The following DR1 variants were observed in gnomAD, a reference collection of about 807,000 sequenced individuals.
DR1 encodes protein Dr1.
In DR1, 7 loss-of-function variants were observed where a neutral mutation model predicts 19.9. The observed-to-expected ratio is 0.35, with a 90% CI of 0.20 to 0.66. DR1 has a LOEUF of 0.66. Among genes scored for constraint, DR1 ranks in the 30% least tolerant of loss-of-function variants. The pLI, the probability that DR1 is intolerant of heterozygous loss-of-function variation, is 0.66. For synonymous variants in DR1, 76 were observed against 72.5 expected (o/e 1.05, Z -0.24); for missense variants, 98 against 203.7 (o/e 0.48, Z 3.16).
In DR1 at chr1:93,345,995, G is replaced by C. The variant is rs1233652079; in HGVS notation, c.-651G>C. 6.5e-6 allele frequency: 1 copy of C among 155,016 alleles called. No individual in the cohort carries two copies. The highest frequency in any genetic ancestry group is 1.4e-5 in the Non-Finnish European group (1 of 69,388). The allele number at this position is 155,016 out of a possible 1,614,324, so 9.6% of individuals were successfully genotyped here. A position where few individuals can be genotyped will look rare whatever the true frequency, so the allele number is the denominator to read the frequency against. On this transcript the variant is annotated 5_prime_UTR_variant, in exon 1 of 3. Transcript: ENST00000370272. ...CGCGTCTTCGGCTTCCACGATCTGC[G>C]TTCGGGCTACGCGGCCACGGCGGCA...
In DR1 at chr1:93,360,735, T is replaced by A; in HGVS notation, c.*96T>A. On this transcript the variant is annotated 3_prime_UTR_variant, in exon 3 of 3. Coordinates refer to ENST00000370272, the MANE Select transcript of DR1 (RefSeq NM_001938.3). ...GCTTATCTGTAATTTTGTATGCATC[T>A]TGGTGGACTTGTCATTGGTATTCTA... 1 of 1,353,654 alleles carries A rather than the reference T, an allele frequency of 7.4e-7. No individual in the cohort carries two copies. The highest frequency in any genetic ancestry group is 1.0e-6 in the Non-Finnish European group (1 of 996,456). The allele number at this position is 1,353,654 out of a possible 1,614,324, so 83.9% of individuals were successfully genotyped here.
Position 93,360,737 on chromosome 1 carries a change from G to T in DR1, c.*98G>T. The T allele has an allele frequency of 7.4e-7, 1 of 1,349,292 alleles. No individual in the cohort carries two copies. Among genetic ancestry groups the T allele is most frequent in the African/African-American group, 1.5e-5 (1 of 66,246 alleles). 83.6% of individuals were successfully genotyped at this position (1,349,292 alleles called of 1,614,324 possible). A position where few individuals can be genotyped will look rare whatever the true frequency, so the allele number is the denominator to read the frequency against. Reference sequence around the variant, plus strand: ...TTATCTGTAATTTTGTATGCATCTTGGTGGACTTGTCATTGGTATTCTAGG... The same window carrying T: ...TTATCTGTAATTTTGTATGCATCTTTGTGGACTTGTCATTGGTATTCTAGG... On this transcript the variant is annotated 3_prime_UTR_variant, in exon 3 of 3. Transcript: ENST00000370272.
rs1666841960 is a variant in DR1 at position 93,346,530 on chromosome 1, G to C, written c.-116G>C. 1.3e-6 allele frequency: 1 copy of C among 781,156 alleles called. No individual in the cohort carries two copies. Among genetic ancestry groups the C allele is most frequent in the Non-Finnish European group, 2.1e-6 (1 of 482,148 alleles). The allele number at this position is 781,156 out of a possible 1,614,324, so 48.4% of individuals were successfully genotyped here. On this transcript the variant is annotated 5_prime_UTR_variant, in exon 1 of 3. Transcript: ENST00000370272. ...TCCGTTCATTTTCTGCACCCTCTTCGCAAAGCACCCCCCGGGATCACTCTC... is the reference window on the plus strand; with the variant it reads ...TCCGTTCATTTTCTGCACCCTCTTCCCAAAGCACCCCCCGGGATCACTCTC...
In DR1 at chr1:93,365,909, C is replaced by A. The variant is rs1287014828; in HGVS notation, c.*5270C>A. On this transcript the variant is annotated 3_prime_UTR_variant, in exon 3 of 3. Coordinates refer to ENST00000370272, the MANE Select transcript of DR1 (RefSeq NM_001938.3). The stretch of plus-strand genomic sequence containing the variant: ...CATAACTAGTACATCTTTTAATAAG[C>A]ATTTTTTATTGTGATTAAATATGCA... 6.6e-6 allele frequency: 1 copy of A among 152,172 alleles called. No individual in the cohort carries two copies. The highest frequency in any genetic ancestry group is 1.5e-5 in the Non-Finnish European group (1 of 68,028). The allele number at this position is 152,172 out of a possible 1,614,324, so 9.4% of individuals were successfully genotyped here. A position where few individuals can be genotyped will look rare whatever the true frequency, so the allele number is the denominator to read the frequency against.
At chr1:93,352,376 G>T (rs1198136878) in intron 1 of DR1, among the ~76,000 whole-genome samples, 1 of 152,156 alleles carries the variant, frequency 6.6e-6, no homozygotes, top group Non-Finnish European at 1.5e-5. Context: ...GGCCATGTTG[G>T]TGAATTTGAT....
intron 2 of DR1, chr1:93,354,919 G>A (rs1427920187): frequency 6.6e-6 from 1 of 152,026 alleles, no homozygotes; most frequent in African/African-American, 2.4e-5. Context: ...TTCTAACCAC[G>A]TGTTAATCAC....
chr1:93,360,830 A>G lies in DR1; in HGVS notation c.*191A>G. 8.4e-6 allele frequency: 5 copies of G among 598,788 alleles called. No homozygotes were observed. Among genetic ancestry groups the G allele is most frequent in the Non-Finnish European group, 1.4e-5 (5 of 370,350 alleles). 37.1% of individuals were successfully genotyped at this position (598,788 alleles called of 1,614,324 possible). A position where few individuals can be genotyped will look rare whatever the true frequency, so the allele number is the denominator to read the frequency against. ...AAAAACTGTCTCTTTGAACTATTGA[A>G]AATTTAAGGTTCAGTATAATATCAA... On this transcript the variant is annotated 3_prime_UTR_variant, in exon 3 of 3. Transcript: ENST00000370272.
Position 93,362,826 on chromosome 1 carries a change from C to CTTTTTTTTTTTTTTTTTTTTT in DR1, c.*2195_*2215dup, listed in dbSNP as rs55792701. ...GCAATATTTTATTTTTAGGTTTTTT[C>CTTTTTTTTTTTTTTTTTTTTT]TTTTTTTTTTTTTTTTTTTTTTTTT... On this transcript the variant is annotated 3_prime_UTR_variant, in exon 3 of 3. Coordinates refer to ENST00000370272, the MANE Select transcript of DR1 (RefSeq NM_001938.3). 3 of 52,848 alleles carry CTTTTTTTTTTTTTTTTTTTTT rather than the reference C, an allele frequency of 5.7e-5. No individual in the cohort carries two copies. Among genetic ancestry groups the CTTTTTTTTTTTTTTTTTTTTT allele is most frequent in the Non-Finnish European group, 7.3e-5 (2 of 27,564 alleles). 3.3% of individuals were successfully genotyped at this position (52,848 alleles called of 1,614,324 possible).
intron 1 of DR1, among the ~76,000 whole-genome samples, chr1:93,347,800 G>T (rs1429298097): frequency 2.0e-5 from 3 of 152,026 alleles, no homozygotes; most frequent in Admixed American, 2.0e-4. Context: ...TTTCGGGAAC[G>T]TACCTTTTGC....
At chr1:93,351,904 A>C (rs1666916811) in intron 1 of DR1, among the ~76,000 whole-genome samples, 1 of 152,204 alleles carries the variant, frequency 6.6e-6, no homozygotes, top group Admixed American at 6.5e-5. Context: ...GGTCCTGTAC[A>C]CTTATGAGGG....
rs531960395 is a variant in DR1, at chr1:93,368,963, A to T, written c.*8324A>T. The T allele has an allele frequency of 1.4e-3, 210 of 152,268 alleles. No individual in the cohort carries two copies. The highest frequency in any genetic ancestry group is 5.0e-3 in the African/African-American group (207 of 41,556). 9.4% of individuals were successfully genotyped at this position (152,268 alleles called of 1,614,324 possible). On this transcript the variant is annotated 3_prime_UTR_variant, in exon 3 of 3. Transcript: ENST00000370272. ...CTGATGGATTGAAAACATTTGGGGA[A>T]AAAACAAAAAATAACCCAACAATGA...
rs1296688454 is a variant in DR1, at chr1:93,360,774, T to C, written c.*135T>C. On this transcript the variant is annotated 3_prime_UTR_variant, in exon 3 of 3. Transcript: ENST00000370272. ...ATTGGTATTCTAGGGATGTCTGCTA[T>C]TAAGTTTCATCTATTGTGTGCTATA... is the stretch of plus-strand genomic sequence containing the variant. The C allele has an allele frequency of 4.1e-6, 4 of 968,984 alleles. No individual in the cohort carries two copies. The highest frequency in any genetic ancestry group is 6.0e-6 in the Non-Finnish European group (4 of 670,928). The allele number at this position is 968,984 out of a possible 1,614,324, so 60.0% of individuals were successfully genotyped here.
rs368178198 is a variant in DR1, at chr1:93,353,898, A to T, written c.221-10A>T. 6.3e-7 allele frequency: 1 copy of T among 1,584,142 alleles called. No individual in the cohort carries two copies. The highest frequency in any genetic ancestry group is 1.4e-5 in the African/African-American group (1 of 73,498). ...CACCCTTTCATATTTTAATATTTTCATTTCTCTAGCACTAGAAAGTTTGGG... is the reference window on the plus strand; with the variant it reads ...CACCCTTTCATATTTTAATATTTTCTTTTCTCTAGCACTAGAAAGTTTGGG... On this transcript the variant is annotated splice_polypyrimidine_tract_variant and intron_variant, in intron 1 of 2. Transcript: ENST00000370272.
Position 93,363,500 on chromosome 1 carries a change from C to G in DR1, c.*2861C>G, listed in dbSNP as rs1172585517. On this transcript the variant is annotated 3_prime_UTR_variant, in exon 3 of 3. Coordinates refer to ENST00000370272, the MANE Select transcript of DR1 (RefSeq NM_001938.3). ...GGTTGTGAGGGAGAATGTTTTCTTC[C>G]CTTTTTTGGCTTCCAGTGACGGCCT... 5 of 152,200 alleles carry G rather than the reference C, an allele frequency of 3.3e-5. No individual in the cohort carries two copies. The highest frequency in any genetic ancestry group is 4.8e-5 in the African/African-American group (2 of 41,448). 9.4% of individuals were successfully genotyped at this position (152,200 alleles called of 1,614,324 possible).
Position 93,346,751 on chromosome 1 carries a change from C to T in DR1, c.106C>T (p.Arg36Ter). The change falls in exon 1 of 3, where the codon CGA (arginine) becomes TGA (stop). Residue 36 changes from arginine to a stop codon, truncating the protein, a stop_gained. Transcript: ENST00000370272. LOFTEE classifies it high-confidence loss of function. ...TAATGTCCGGGTGGCCAACGATGCT[C>T]GAGAGCTGGTGGTGAACTGCTGCAC... The part of the protein sequence containing the change: ...LPNVRVANDA[R>*]ELVVNCCTEF... The T allele has an allele frequency of 6.2e-7, 1 of 1,614,112 alleles. No homozygotes were observed. Among genetic ancestry groups the T allele is most frequent in the Non-Finnish European group, 8.5e-7 (1 of 1,180,026 alleles).
chr1:93,366,438 G>T lies in DR1; in HGVS notation c.*5799G>T, dbSNP rs1667130516. ...ATCTGTATATTCGCAATTGAAATAG[G>T]GAAAGTCTTTATATTCATATAAAGA... On this transcript the variant is annotated 3_prime_UTR_variant, in exon 3 of 3. Transcript: ENST00000370272. 2 of 151,966 alleles carry T rather than the reference G, an allele frequency of 1.3e-5. No individual in the cohort carries two copies. Among genetic ancestry groups the T allele is most frequent in the Admixed American group, 6.6e-5 (1 of 15,254 alleles). 9.4% of individuals were successfully genotyped at this position (151,966 alleles called of 1,614,324 possible).
chr1:93,356,742 G>A (rs938850035), intron 2 of DR1, among the ~76,000 whole-genome samples: 4 of 142,302 alleles, frequency 2.8e-5, no homozygotes, highest in Non-Finnish European at 3.0e-5. Context: ...TTTTTTTTGA[G>A]ATGGAGTCTT....
intron 2 of DR1, among the ~76,000 whole-genome samples, chr1:93,358,828 CAT>C (rs1304615569): frequency 8.5e-5 from 13 of 152,218 alleles, no homozygotes; most frequent in African/African-American, 3.1e-4. Flanking sequence ...TCCAGTAACT[CAT>C]GTGACATCTA....
At chr1:93,353,821 A>G in intron 1 of DR1, 87 bp from the exon 2 acceptor site, 1 of 1,100,498 alleles carries the variant, frequency 9.1e-7, no homozygotes, top group African/African-American at 1.6e-5. Flanking sequence ...TCCCCCAAAG[A>G]AAAGCCCACA....
Sources: gnomAD v4.1 joint callset for allele counts (sites outside exome capture counted in the v4.1 genomes callset) on GRCh38, gnomAD v4.1.1 for gene constraint, MANE v1.5 for transcripts, NCBI Gene and HGNC (gene_info 2026-07-23, HGNC 2026-07-21) for gene names.